RIN3: variants seen among roughly 807,000 people sequenced by gnomAD.
The protein encoded by RIN3 is Ras and Rab interactor 3, also known as RAB5 interacting protein 3.
RIN3 carries 54 observed loss-of-function variants against 76.3 expected under a neutral mutation model. The ratio of observed to expected loss-of-function variants is 0.71; its 90% confidence interval spans 0.57 to 0.89. The LOEUF (loss-of-function observed/expected upper bound fraction) is 0.89. Among genes scored for constraint, RIN3 ranks in the 40% least tolerant of loss-of-function variants. The pLI is 0.00. For missense variants in RIN3, 1,256 were observed against 1,322.1 expected (o/e 0.95, Z 0.78); for synonymous variants, 576 against 564.0 (o/e 1.02, Z -0.30).
chr14:92,559,187 G>T (rs948205544), intron 2 of RIN3, among the ~76,000 whole-genome samples: 1 of 152,114 alleles, frequency 6.6e-6, no homozygotes. Flanking sequence ...TTCCTTGACT[G>T]TAAGATCTGA....
chr14:92,659,830 G>A (rs1887813909), intron 7 of RIN3, among the ~76,000 whole-genome samples: 1 of 152,236 alleles, frequency 6.6e-6, no homozygotes, highest in South Asian at 2.1e-4. Flanking sequence ...TTTGGAGGCT[G>A]GAAGGTTCAA....
At chr14:92,569,864 G>A (rs764760747) in intron 2 of RIN3, among the ~76,000 whole-genome samples, 6 of 152,142 alleles carry the variant, frequency 3.9e-5, no homozygotes, top group South Asian at 2.1e-4. Flanking sequence ...GCCCTGACCC[G>A]CGTAGACCTG....
intron 5 of RIN3, among the ~76,000 whole-genome samples, chr14:92,650,555 G>C (rs1887378359): frequency 1.3e-5 from 2 of 152,218 alleles, no homozygotes; most frequent in Non-Finnish European, 2.9e-5. Context: ...AATTCACAAG[G>C]AACTCTGCAT....
chr14:92,558,872 TTTTTC>T (rs1332367227), intron 2 of RIN3, among the ~76,000 whole-genome samples: 5 of 144,946 alleles, frequency 3.4e-5, no homozygotes, highest in African/African-American at 1.3e-4. Flanking sequence ...TTCCTTTTGT[TTTTTC>T]TTTTCTTTTC....
chr14:92,662,124 C>T (rs564088464), intron 7 of RIN3, among the ~76,000 whole-genome samples: 30 of 152,330 alleles, frequency 2.0e-4, no homozygotes, highest in Admixed American at 1.5e-3. Context: ...CCCTGCCAGG[C>T]GACATGAGGC....
chr14:92,548,038 A>G (rs1367784784), intron 1 of RIN3, among the ~76,000 whole-genome samples: 1 of 152,192 alleles, frequency 6.6e-6, no homozygotes. Context: ...TTAGCAATGC[A>G]TAATTATTAT....
intron 1 of RIN3, among the ~76,000 whole-genome samples, chr14:92,552,709 G>A (rs955548150): frequency 1.1e-4 from 16 of 152,108 alleles, no homozygotes; most frequent in African/African-American, 3.9e-4. Flanking sequence ...TTTTCCGGGT[G>A]TCTTCCCTGG....
Position 92,688,329 on chromosome 14 carries a change from C to T in RIN3, c.*77C>T. On this transcript the variant is annotated 3_prime_UTR_variant, in exon 10 of 10. Transcript: ENST00000216487. ...TCTGGCTGCGCACTCCCGACCGCGA[C>T]GTCCACGCAGCAGAGGGACATGGGC... The T allele has an allele frequency of 3.7e-6, 5 of 1,341,742 alleles. No homozygotes were observed. The highest frequency in any genetic ancestry group is 1.5e-5 in the African/African-American group (1 of 68,302). 83.1% of individuals were successfully genotyped at this position (1,341,742 alleles called of 1,614,324 possible). A position where few individuals can be genotyped will look rare whatever the true frequency, so the allele number is the denominator to read the frequency against.
At chr14:92,526,586 C>G (rs770995727) in intron 1 of RIN3, among the ~76,000 whole-genome samples, 102 of 151,986 alleles carry the variant, frequency 6.7e-4, no homozygotes, top group Non-Finnish European at 1.3e-4. Context: ...AACCCTGTCT[C>G]TACTAAAAAT....
At chr14:92,528,435 G>A (rs938550192) in intron 1 of RIN3, among the ~76,000 whole-genome samples, 1 of 152,234 alleles carries the variant, frequency 6.6e-6, no homozygotes, top group Non-Finnish European at 1.5e-5. Flanking sequence ...CAGAGTTGCT[G>A]TGTATTACAT....
chr14:92,546,964 A>G (rs1029479802), intron 1 of RIN3, among the ~76,000 whole-genome samples: 6 of 147,636 alleles, frequency 4.1e-5, no homozygotes, highest in African/African-American at 1.5e-4. Context: ...ACAAATAAGA[A>G]ACTGTTTATT....
In RIN3 at chr14:92,542,018, C is replaced by T. The variant is rs141589314; in HGVS notation, c.45-13733C>T. On this transcript the variant is annotated intron_variant, in intron 1 of 9. Transcript: ENST00000216487. ...TACAAATGGCCAATAATGGGTCAGG[C>T]GTGGTGGCCCATGCCTGTAATCCCA... Among the ~76,000 whole-genome samples, 855 of 152,314 alleles carry T rather than the reference C, an allele frequency of 5.6e-3. 10 individuals are homozygous for T. Among genetic ancestry groups the T allele is most frequent in the African/African-American group, 0.019 (810 of 41,566 alleles).
intron 2 of RIN3, among the ~76,000 whole-genome samples, chr14:92,573,448 A>G (rs138413648): frequency 5.3e-5 from 8 of 152,168 alleles, no homozygotes; most frequent in African/African-American, 1.4e-4. Flanking sequence ...ATCATTGGCC[A>G]TGTGATTGAA....
At chr14:92,627,546 C>G (rs1157889724) in intron 4 of RIN3, among the ~76,000 whole-genome samples, 2 of 152,234 alleles carry the variant, frequency 1.3e-5, no homozygotes, top group Non-Finnish European at 2.9e-5. Context: ...TCCAGGATAT[C>G]CCGACCACCA....
intron 1 of RIN3, among the ~76,000 whole-genome samples, chr14:92,544,815 G>A (rs943106148): frequency 6.6e-6 from 1 of 152,064 alleles, no homozygotes; most frequent in Non-Finnish European, 1.5e-5. Flanking sequence ...ACTTTGCCAT[G>A]TTTGCTTCAG....
At chr14:92,560,270 C>G (rs1440345489) in intron 2 of RIN3, among the ~76,000 whole-genome samples, 1 of 152,150 alleles carries the variant, frequency 6.6e-6, no homozygotes, top group East Asian at 1.9e-4. Flanking sequence ...AAGGAGTCAA[C>G]CATTCCCTTC....
At chr14:92,544,636 C>G (rs1897212878) in intron 1 of RIN3, among the ~76,000 whole-genome samples, 1 of 152,114 alleles carries the variant, frequency 6.6e-6, no homozygotes, top group Non-Finnish European at 1.5e-5. Context: ...TGCCTGGGCT[C>G]TGCTCCACTC....
intron 2 of RIN3, among the ~76,000 whole-genome samples, chr14:92,557,471 C>T (rs1314326390): frequency 6.6e-6 from 1 of 152,226 alleles, no homozygotes; most frequent in African/African-American, 2.4e-5. Context: ...TTGTCTGCCT[C>T]CCAGGAAGAG....
At chr14:92,604,577 G>C (rs550493030) in intron 3 of RIN3, among the ~76,000 whole-genome samples, 1 of 152,156 alleles carries the variant, frequency 6.6e-6, no homozygotes, top group East Asian at 1.9e-4. Flanking sequence ...TGTAGGGGTG[G>C]TGTCCAAGCC....
Sources: allele counts gnomAD v4.1 joint callset (sites outside exome capture counted in the v4.1 genomes callset), GRCh38; gene constraint gnomAD v4.1.1; transcripts MANE v1.5; gene names NCBI Gene and HGNC (gene_info 2026-07-23, HGNC 2026-07-21).